UGT1A6: variants seen among roughly 807,000 people sequenced by gnomAD.
The protein encoded by UGT1A6 is UDP-glucuronosyltransferase 1A6.
Under a neutral mutation model 44.4 loss-of-function variants are expected in UGT1A6, and 32 were observed. That is an observed-to-expected ratio of 0.72 (90% CI 0.54 to 0.97). The LOEUF (loss-of-function observed/expected upper bound fraction) is 0.97, where lower values mean the gene tolerates loss of function less well. UGT1A6 is among the 50% of genes least tolerant of loss of function. The pLI is 0.00. For synonymous variants in UGT1A6, 238 were observed against 248.5 expected (o/e 0.96, Z 0.40); for missense variants, 685 against 661.9 (o/e 1.03, Z -0.38).
At chr2:233,743,583 A>C (rs1360653487) in intron 1 of UGT1A6, 5 of 1,367,304 alleles carry the variant, frequency 3.7e-6, no homozygotes, top group Non-Finnish European at 4.9e-6. Context: ...AAGAGGTCAA[A>C]GGAGAATGGG....
At chr2:233,725,006 G>A (rs112132688) in intron 1 of UGT1A6, among the ~76,000 whole-genome samples, 45,538 of 146,588 alleles carry the variant, frequency 0.31, 9,033 homozygotes, top group South Asian at 0.46. Flanking sequence ...AGACCGGCCC[G>A]GCCAAACAGC....
rs994477735 is a variant in UGT1A6, at chr2:233,769,472, T to C, written c.1301+1033T>C. Reference sequence around the variant, plus strand: ...ACGTGTGCATTCATATGCGTGTGTGTGTGTGTGCGTGTGTTTATGAGAGTG... The same window carrying C: ...ACGTGTGCATTCATATGCGTGTGTGCGTGTGTGCGTGTGTTTATGAGAGTG... On this transcript the variant is annotated intron_variant, in intron 4 of 4. Transcript: ENST00000305139. The surrounding 1 kb of genome is among the most constrained non-coding windows in gnomAD (Gnocchi z 4.4). 4.2e-5 allele frequency: 68 copies of C among 1,609,292 alleles called. No homozygotes were observed. In the African/African-American group the frequency reaches 8.3e-4, roughly 20 times the overall value.
chr2:233,727,112 T>C (rs2077583232), intron 1 of UGT1A6, among the ~76,000 whole-genome samples: 1 of 152,214 alleles, frequency 6.6e-6, no homozygotes, highest in African/African-American at 2.4e-5. Context: ...TGTTTAGGTC[T>C]GTGAGATTGG....
At chr2:233,736,819 A>G (rs1408974835) in intron 1 of UGT1A6, among the ~76,000 whole-genome samples, 1 of 152,184 alleles carries the variant, frequency 6.6e-6, no homozygotes, top group Non-Finnish European at 1.5e-5. Context: ...TCCACTCCAG[A>G]TGCTCTTTGC....
chr2:233,693,505 T>G lies in UGT1A6; in HGVS notation c.501T>G (p.Ser167=). 2 of 1,614,198 alleles carry G rather than the reference T, an allele frequency of 1.2e-6. No individual in the cohort carries two copies. The highest frequency in any genetic ancestry group is 1.7e-6 in the Non-Finnish European group (2 of 1,180,040). The part of the protein sequence containing the change: ...VILAEYLGLP[S]VYLFRGFPCS... The stretch of plus-strand genomic sequence containing the variant: ...TGGCTGAGTATTTGGGCCTACCATC[T>G]GTGTACCTCTTCAGGGGTTTTCCGT... Residue 167 remains serine (S), a synonymous_variant, in exon 1 of 5, where the codon TCT becomes TCG. Transcript: ENST00000305139.
rs1133495 is a variant in UGT1A6 at position 233,754,558 on chromosome 2, G to C, written c.862-12476G>C. On this transcript the variant is annotated intron_variant, in intron 1 of 4. Transcript: ENST00000305139. The stretch of plus-strand genomic sequence containing the variant: ...GGACTGGAATTACTTGGTGTCAATG[G>C]GGAGCAACTGCTCTATGCCGTTTAT... The C allele has an allele frequency of 1.8e-5, 7 of 391,006 alleles. No homozygotes were observed. In the East Asian group the frequency reaches 2.9e-4, roughly 16 times the overall value. The allele number at this position is 391,006 out of a possible 1,614,324, so 24.2% of individuals were successfully genotyped here. A position where few individuals can be genotyped will look rare whatever the true frequency, so the allele number is the denominator to read the frequency against.
intron 1 of UGT1A6, chr2:233,747,550 G>C: frequency 6.2e-6 from 10 of 1,601,970 alleles, no homozygotes; most frequent in Non-Finnish European, 7.7e-6. Context: ...TTTTCTAAAA[G>C]TATGGCAATT....
In UGT1A6 at chr2:233,692,922, T is replaced by G. The variant is rs1238598639; in HGVS notation, c.-83T>G. 1 of 1,573,000 alleles carries G rather than the reference T, an allele frequency of 6.4e-7. No homozygotes were observed. Among genetic ancestry groups the G allele is most frequent in the Non-Finnish European group, 8.6e-7 (1 of 1,164,502 alleles). Reference sequence around the variant, plus strand: ...GACAGGACCTGTGAAAAGCAGTGGTTAGTTTAGGGAAAATACCTAGGAGCC... The same window carrying G: ...GACAGGACCTGTGAAAAGCAGTGGTGAGTTTAGGGAAAATACCTAGGAGCC... On this transcript the variant is annotated 5_prime_UTR_variant, in exon 1 of 5. Coordinates refer to ENST00000305139, the MANE Select transcript of UGT1A6 (RefSeq NM_001072.4).
At chr2:233,770,071 ATTC>A (rs1346170672) in intron 4 of UGT1A6, 1 of 153,458 alleles carries the variant, frequency 6.5e-6, no homozygotes, top group Non-Finnish European at 1.5e-5. Context: ...TATAATTTTG[ATTC>A]TTTCTTCAGT....
chr2:233,715,994 A>C (rs976183332), intron 1 of UGT1A6, among the ~76,000 whole-genome samples: 1 of 152,088 alleles, frequency 6.6e-6, no homozygotes, highest in African/African-American at 2.4e-5. Context: ...ACACAACAAA[A>C]CCCAAAATGA....
At chr2:233,718,690 G>A in intron 1 of UGT1A6, 1 of 1,588,038 alleles carries the variant, frequency 6.3e-7, no homozygotes. Context: ...GTAACTGGAG[G>A]AGGGCACTTT....
rs771993243 is a variant in UGT1A6 at position 233,755,018 on chromosome 2, C to G, written c.862-12016C>G. 2.3e-6 allele frequency: 3 copies of G among 1,302,150 alleles called. No homozygotes were observed. In the South Asian group the frequency reaches 3.5e-5, roughly 15 times the overall value. The allele number at this position is 1,302,150 out of a possible 1,614,324, so 80.7% of individuals were successfully genotyped here. ...AGCTGAAGACCTACTCGAAGGGGTCCTTGAAGGGCCTGCCGCCTGCGCAGC... is the reference window on the plus strand; with the variant it reads ...AGCTGAAGACCTACTCGAAGGGGTCGTTGAAGGGCCTGCCGCCTGCGCAGC... On this transcript the variant is annotated intron_variant, in intron 1 of 4. Transcript: ENST00000305139.
chr2:233,755,768 C>G (rs1461511969), intron 1 of UGT1A6: 5 of 152,866 alleles, frequency 3.3e-5, no homozygotes, highest in African/African-American at 1.2e-4. Flanking sequence ...TTTTGTTCAT[C>G]TGGATTATGC....
intron 3 of UGT1A6, 57 bp downstream of exon 3, chr2:233,767,993 T>G (rs2126036231): frequency 1.2e-6 from 2 of 1,614,180 alleles, no homozygotes; most frequent in Admixed American, 3.3e-5. Flanking sequence ...AGAAAATGGC[T>G]TAAGCACAGC....
In UGT1A6 at chr2:233,713,094, C is replaced by G. The variant is rs1375796840; in HGVS notation, c.861+19229C>G. ...TGAGAGTGGGAAGGTGCTGGTGGTG[C>G]CCACTGATGGCAGCCACTGGCTCAG... On this transcript the variant is annotated intron_variant, in intron 1 of 4. Coordinates refer to ENST00000305139, the MANE Select transcript of UGT1A6 (RefSeq NM_001072.4). 2.5e-6 allele frequency: 4 copies of G among 1,614,034 alleles called. No individual in the cohort carries two copies. The highest frequency in any genetic ancestry group is 3.3e-5 in the Admixed American group (2 of 60,002).
At chr2:233,734,280 C>A (rs2078507648) in intron 1 of UGT1A6, among the ~76,000 whole-genome samples, 1 of 152,066 alleles carries the variant, frequency 6.6e-6, no homozygotes, top group South Asian at 2.1e-4. Flanking sequence ...GGAATTTATC[C>A]ATTTCTTCTA....
At position 233,762,076 on chromosome 2, in the gene UGT1A6, C is replaced by T. The variant is rs543302541; in HGVS notation, c.862-4958C>T. ...CTTCATAGCACATCAAATATGGCAG[C>T]CATTTCACTTAGATAGTTGTTGATT... On this transcript the variant is annotated intron_variant, in intron 1 of 4. Coordinates refer to ENST00000305139, the MANE Select transcript of UGT1A6 (RefSeq NM_001072.4). Among the ~76,000 whole-genome samples the T allele has an allele frequency of 4.6e-5, 7 of 152,184 alleles. No homozygotes were observed. The East Asian group carries it at 1.4e-3, about 29-fold the overall frequency.
At chr2:233,705,062 G>C (rs1438271390) in intron 1 of UGT1A6, among the ~76,000 whole-genome samples, 1 of 151,992 alleles carries the variant, frequency 6.6e-6, no homozygotes, top group African/African-American at 2.4e-5. Flanking sequence ...CTTGAACCCG[G>C]GAGGCGGAGG....
At chr2:233,724,012 T>G (rs1202631633) in intron 1 of UGT1A6, among the ~76,000 whole-genome samples, 1 of 75,726 alleles carries the variant, frequency 1.3e-5, no homozygotes, top group East Asian at 3.2e-4. Context: ...AAGCCGCCAT[T>G]GTCATCCTGG....
Sources: gnomAD v4.1 joint callset for allele counts (sites outside exome capture counted in the v4.1 genomes callset) on GRCh38, gnomAD v4.1.1 for gene constraint, Gnocchi (gnomAD v3.1) non-coding constraint, MANE v1.5 for transcripts, NCBI Gene and HGNC (gene_info 2026-07-23, HGNC 2026-07-21) for gene names.